Variants in CLCN5 observed in about 807,000 individuals in gnomAD.
CLCN5 encodes H(+)/Cl(-) exchange transporter 5.
In CLCN5, 17 loss-of-function variants were observed where a neutral mutation model predicts 54.0. The observed-to-expected ratio is 0.31, with a 90% CI of 0.22 to 0.47. The LOEUF (loss-of-function observed/expected upper bound fraction) is 0.47. Among genes scored for constraint, CLCN5 ranks in the 20% least tolerant of loss-of-function variants. The pLI is 1.00. For synonymous variants in CLCN5, 222 were observed against 233.0 expected (o/e 0.95, Z 0.43); for missense variants, 448 against 646.7 (o/e 0.69, Z 3.33).
intron 3 of CLCN5, among the ~76,000 whole-genome samples, chrX:50,035,522 G>A (rs936688426): frequency 1.8e-5 from 2 of 109,195 alleles, no homozygotes; most frequent in Admixed American, 2.0e-4. Context: ...ACATAGATAT[G>A]TGAACAAAGG....
At chrX:50,025,670 T>C (rs782615390) in intron 3 of CLCN5, among the ~76,000 whole-genome samples, 1 of 111,630 alleles carries the variant, frequency 9.0e-6, no homozygotes, top group South Asian at 3.8e-4. Flanking sequence ...TTTCCATCTA[T>C]TTATCTCTCT....
intron 3 of CLCN5, among the ~76,000 whole-genome samples, chrX:49,971,864 C>G (rs1220654257): frequency 8.9e-6 from 1 of 112,013 alleles, no homozygotes; most frequent in Non-Finnish European, 1.9e-5. Flanking sequence ...ATTGCTTTAA[C>G]AAGTATTTTT....
intron 4 of CLCN5, among the ~76,000 whole-genome samples, chrX:50,068,932 T>C (rs1933131662): frequency 8.9e-6 from 1 of 112,261 alleles, no homozygotes; most frequent in Non-Finnish European, 1.9e-5. Flanking sequence ...TCAGATGATG[T>C]TGCTGAAATA....
Position 49,925,183 on chromosome X carries a change from A to T in CLCN5, c.-116A>T. 1.3e-6 allele frequency: 1 copy of T among 780,453 alleles called. No homozygotes were observed. Among genetic ancestry groups the T allele is most frequent in the Non-Finnish European group, 2.0e-6 (1 of 509,155 alleles). 64.3% of individuals were successfully genotyped at this position (780,453 alleles called of 1,213,427 possible). A position where few individuals can be genotyped will look rare whatever the true frequency, so the allele number is the denominator to read the frequency against. On this transcript the variant is annotated 5_prime_UTR_variant, in exon 3 of 15. Coordinates refer to ENST00000376091, the MANE Select transcript of CLCN5 (RefSeq NM_001127898.4). ...TTTACATTTTCAGGTTTGGGGCTTT[A>T]GCCCCTTGGAGAAAACAGGGCCACA... is the stretch of plus-strand genomic sequence containing the variant.
intron 10 of CLCN5, 63 bp downstream of exon 10, chrX:50,086,123 C>T (rs782227854): frequency 2.2e-4 from 216 of 968,068 alleles, no homozygotes; most frequent in South Asian, 8.7e-4. Context: ...TACATTGCAG[C>T]GCAATAATTT....
At chrX:49,924,099 A>G (rs1557167615) in intron 2 of CLCN5, among the ~76,000 whole-genome samples, 1 of 110,966 alleles carries the variant, frequency 9.0e-6, no homozygotes, top group Admixed American at 9.5e-5. Context: ...CTCTAAGTCA[A>G]ACTAAGTCGT....
chrX:50,040,693 G>T (rs1557187034), intron 3 of CLCN5, among the ~76,000 whole-genome samples: 3 of 111,586 alleles, frequency 2.7e-5, no homozygotes, highest in African/African-American at 9.8e-5. Context: ...TGGGGTATCT[G>T]TTCTCTTAGT....
chrX:50,047,724 C>A (rs1161605277), intron 4 of CLCN5, among the ~76,000 whole-genome samples: 1 of 111,382 alleles, frequency 9.0e-6, no homozygotes, highest in Non-Finnish European at 1.9e-5. Flanking sequence ...TTTTTGATGA[C>A]CTTAACAGTT....
chrX:49,988,917 TC>T (rs1929112614), intron 3 of CLCN5, among the ~76,000 whole-genome samples: 1 of 110,566 alleles, frequency 9.0e-6, no homozygotes, highest in Non-Finnish European at 1.9e-5. Context: ...GCTTGGACTC[TC>T]CCTGTCCTAG....
At chrX:50,045,314 A>T (rs782267188) in intron 4 of CLCN5, among the ~76,000 whole-genome samples, 63 of 111,672 alleles carry the variant, frequency 5.6e-4, no homozygotes, top group African/African-American at 1.5e-3. Context: ...TACCAAAGAG[A>T]ACTGTGTTAG....
intron 3 of CLCN5, among the ~76,000 whole-genome samples, chrX:49,979,723 C>T (rs983322106): frequency 9.0e-6 from 1 of 110,973 alleles, no homozygotes; most frequent in Non-Finnish European, 1.9e-5. Context: ...ATCAAGCTAA[C>T]TAACATATGT....
intron 4 of CLCN5, 31 bp from the exon 5 acceptor site, chrX:50,069,848 A>G: frequency 8.6e-7 from 1 of 1,161,316 alleles, no homozygotes; most frequent in Non-Finnish European, 1.1e-6. Flanking sequence ...GAATTTCTGA[A>G]GTACTAATGT....
intron 3 of CLCN5, among the ~76,000 whole-genome samples, chrX:49,945,604 GTTTTTTT>G (rs1162822439): frequency 1.4e-5 from 1 of 71,154 alleles, no homozygotes; most frequent in Non-Finnish European, 2.6e-5. Flanking sequence ...CGCCCAGCTA[GTTTTTTT>G]TTTTTTTTTT....
At chrX:49,955,772 T>G (rs1445560625) in intron 3 of CLCN5, among the ~76,000 whole-genome samples, 1 of 111,884 alleles carries the variant, frequency 8.9e-6, no homozygotes, top group Non-Finnish European at 1.9e-5. Context: ...TCAATTTATG[T>G]TGTTTGAGCT....
intron 14 of CLCN5, among the ~76,000 whole-genome samples, chrX:50,091,857 A>G (rs782703290): frequency 7.1e-5 from 8 of 112,363 alleles, no homozygotes; most frequent in Non-Finnish European, 5.6e-5. Flanking sequence ...GCTGCAGTAG[A>G]TAAGATTCAG....
intron 14 of CLCN5, among the ~76,000 whole-genome samples, 199 bp from the exon 15 acceptor site, chrX:50,091,930 C>T (rs1185743384): frequency 9.0e-6 from 1 of 111,605 alleles, no homozygotes. Context: ...GAGGTAGAAA[C>T]ACTTGCATAC....
intron 11 of CLCN5, 94 bp downstream of exon 11, chrX:50,086,964 G>A (rs1933912705): frequency 2.4e-6 from 2 of 840,032 alleles, no homozygotes; most frequent in South Asian, 2.2e-5. Context: ...TAGCTCATAT[G>A]GTGCTTTCAA....
intron 7 of CLCN5, among the ~76,000 whole-genome samples, chrX:50,079,800 A>G (rs1933607334): frequency 9.0e-6 from 1 of 110,610 alleles, no homozygotes; most frequent in Admixed American, 9.7e-5. Flanking sequence ...GAGGAGGAGG[A>G]AATGGGGAGA....
intron 3 of CLCN5, among the ~76,000 whole-genome samples, chrX:49,971,120 A>G (rs1557176126): frequency 9.3e-6 from 1 of 107,942 alleles, no homozygotes; most frequent in Non-Finnish European, 1.9e-5. Flanking sequence ...AGTATATAAA[A>G]ATGCATGGAT....
Sources: allele counts gnomAD v4.1 joint callset (sites outside exome capture counted in the v4.1 genomes callset), GRCh38; gene constraint gnomAD v4.1.1; transcripts MANE v1.5; gene names NCBI Gene and HGNC (gene_info 2026-07-23, HGNC 2026-07-21).